Variants in PYROXD1 observed in about 807,000 individuals in gnomAD.
PYROXD1 encodes tRNA ligase complex-associated NAD(P)H dehydrogenase PYROXD1.
PYROXD1 carries 42 observed loss-of-function variants against 62.0 expected under a neutral mutation model. The ratio of observed to expected loss-of-function variants is 0.68; its 90% CI spans 0.53 to 0.88. The LOEUF (loss-of-function observed/expected upper bound fraction) is 0.88, where lower values mean the gene tolerates loss of function less well. PYROXD1 is among the 40% of genes least tolerant of loss of function. The pLI is 0.00. For synonymous variants in PYROXD1, 170 were observed against 206.4 expected (o/e 0.82, Z 1.51); for missense variants, 493 against 604.8 (o/e 0.82, Z 1.94).
intron 2 of PYROXD1, 67 bp downstream of exon 2, chr12:21,440,515 G>T: frequency 2.4e-6 from 2 of 829,602 alleles, no homozygotes; most frequent in East Asian, 2.5e-5. Flanking sequence ...ATAGCAGTTA[G>T]GGTAATTGTG....
intron 7 of PYROXD1, among the ~76,000 whole-genome samples, chr12:21,459,052 G>T (rs74067183): frequency 1.0e-3 from 153 of 152,216 alleles, no homozygotes; most frequent in African/African-American, 3.5e-3. Flanking sequence ...CAGTTTTCTG[G>T]CACACAACTC....
At position 21,437,778 on chromosome 12, in the gene PYROXD1, C is replaced by T. The variant is rs765031334; in HGVS notation, c.48C>T (p.Val16=). Residue 16 remains valine, a synonymous_variant, in exon 1 of 12, where the codon GTC becomes GTT. Transcript: ENST00000240651. ...CGACGGCAGGGAAGTTCGTGGTGGT[C>T]GGCGGCGGCATCGCGGGCGTCACTT... ...PPPTAGKFVV[V]GGGIAGVTCA... is the part of the protein sequence containing the mutation. 18 of 1,613,022 alleles carry T rather than the reference C, an allele frequency of 1.1e-5. No individual in the cohort carries two copies. In the East Asian group the frequency reaches 4.0e-4, roughly 36 times the overall value.
At chr12:21,439,687 G>A (rs1942258762) in intron 1 of PYROXD1, among the ~76,000 whole-genome samples, 1 of 152,188 alleles carries the variant, frequency 6.6e-6, no homozygotes, top group African/African-American at 2.4e-5. Context: ...AGTAGGAATA[G>A]AAGCCAGATT....
chr12:21,443,887 T>C (rs753741945), intron 2 of PYROXD1, among the ~76,000 whole-genome samples: 5 of 152,182 alleles, frequency 3.3e-5, no homozygotes, highest in Non-Finnish European at 5.9e-5. Context: ...CAAAGAGTTA[T>C]GGAGTTTGGG....
Position 21,467,356 on chromosome 12 carries a change from TCTGTGGCAAAGATGACAGA to T in PYROXD1, c.1117-124_1117-106del, listed in dbSNP as rs1942816260. On this transcript the variant is annotated intron_variant, in intron 10 of 11. Coordinates refer to ENST00000240651, the MANE Select transcript of PYROXD1 (RefSeq NM_024854.5). ...GATTAGTTATCCATTGGTGACTGCT[TCTGTGGCAAAGATGACAGA>T]AAGACTGTCAAACATTGAACTCCTT... 10 of 840,490 alleles carry T rather than the reference TCTGTGGCAAAGATGACAGA, an allele frequency of 1.2e-5. No individual in the cohort carries two copies. The South Asian group carries it at 2.3e-4, about 20-fold the overall frequency. 52.1% of individuals were successfully genotyped at this position (840,490 alleles called of 1,614,324 possible).
At chr12:21,455,519 C>A (rs1194374402) in intron 6 of PYROXD1, among the ~76,000 whole-genome samples, 1 of 150,522 alleles carries the variant, frequency 6.6e-6, no homozygotes, top group Non-Finnish European at 1.5e-5. Context: ...TAACTCAGCC[C>A]ATCTGCATCT....
chr12:21,459,047 T>C (rs6487228), intron 7 of PYROXD1, among the ~76,000 whole-genome samples: 75,129 of 152,026 alleles, frequency 0.49, 18,612 homozygotes, highest in Middle Eastern at 0.59. Flanking sequence ...GTCTGCAGTT[T>C]TCTGGCACAC....
chr12:21,457,139 C>G (rs1313035708), intron 7 of PYROXD1: 1 of 253,822 alleles, frequency 3.9e-6, no homozygotes, highest in Non-Finnish European at 7.7e-6. Context: ...TTGACTTACT[C>G]CCTTGAATCA....
chr12:21,463,647 G>A (rs1331264215), intron 10 of PYROXD1, among the ~76,000 whole-genome samples: 3 of 146,216 alleles, frequency 2.1e-5, no homozygotes, highest in Non-Finnish European at 4.5e-5. Flanking sequence ...AGCTGAGATC[G>A]CACCACTGCA....
intron 5 of PYROXD1, 133 bp downstream of exon 5, chr12:21,452,287 G>A: frequency 1.7e-6 from 1 of 604,022 alleles, no homozygotes; most frequent in Non-Finnish European, 2.5e-6. Context: ...GAAAATCAAA[G>A]ATAAATATAA....
intron 2 of PYROXD1, chr12:21,441,449 A>G (rs1210517919): frequency 7.6e-6 from 1 of 131,890 alleles, no homozygotes; most frequent in African/African-American, 2.8e-5. Context: ...CCCTACTTCT[A>G]TGTTCTTTTT....
intron 5 of PYROXD1, among the ~76,000 whole-genome samples, chr12:21,453,708 G>C (rs1285921132): frequency 6.6e-6 from 1 of 151,960 alleles, no homozygotes; most frequent in Non-Finnish European, 1.5e-5. Context: ...GGATTAGAAG[G>C]TGTCCTAGGA....
chr12:21,443,410 ATAAT>A (rs1000757313), intron 2 of PYROXD1, among the ~76,000 whole-genome samples: 1 of 152,148 alleles, frequency 6.6e-6, no homozygotes, highest in African/African-American at 2.4e-5. Flanking sequence ...ATACTTATAG[ATAAT>A]TAGTGTCTCA....
At chr12:21,445,528 C>A in intron 3 of PYROXD1, 62 bp downstream of exon 3, 1 of 1,471,582 alleles carries the variant, frequency 6.8e-7, no homozygotes, top group South Asian at 1.5e-5. Flanking sequence ...GTTTTGCCTG[C>A]CTCTTTTCAC....
chr12:21,444,945 ACT>A (rs1942358905), intron 2 of PYROXD1, among the ~76,000 whole-genome samples: 2 of 152,242 alleles, frequency 1.3e-5, no homozygotes, highest in African/African-American at 2.4e-5. Flanking sequence ...AGTCTAGAAT[ACT>A]GATGGTTTTA....
intron 5 of PYROXD1, among the ~76,000 whole-genome samples, chr12:21,453,515 A>C (rs1198309896): frequency 6.7e-6 from 1 of 150,066 alleles, no homozygotes. Context: ...TCTCCTTTCT[A>C]AGTGTAAGTT....
chr12:21,438,429 G>C (rs913956136), intron 1 of PYROXD1: 3 of 152,200 alleles, frequency 2.0e-5, no homozygotes, highest in African/African-American at 7.2e-5. Context: ...CTGAGCCACA[G>C]CACCCGGCCC....
chr12:21,454,441 A>G (rs1942557836), intron 5 of PYROXD1, among the ~76,000 whole-genome samples: 1 of 151,982 alleles, frequency 6.6e-6, no homozygotes, highest in African/African-American at 2.4e-5. Flanking sequence ...CTTAATTATA[A>G]TGGACTTCAG....
intron 7 of PYROXD1, among the ~76,000 whole-genome samples, chr12:21,458,930 G>GA (rs1942646773): frequency 6.6e-6 from 1 of 152,160 alleles, no homozygotes. Context: ...CATGCTATTG[G>GA]AAAAATGGCA....
Sources: gnomAD v4.1 joint callset for allele counts (sites outside exome capture counted in the v4.1 genomes callset) on GRCh38, gnomAD v4.1.1 for gene constraint, MANE v1.5 for transcripts, NCBI Gene and HGNC (gene_info 2026-07-23, HGNC 2026-07-21) for gene names.